The following PRKAR2B variants were observed in gnomAD, a reference collection of about 807,000 sequenced individuals.
PRKAR2B encodes cAMP-dependent protein kinase type II-beta regulatory subunit.
In PRKAR2B, 14 loss-of-function variants were observed where a neutral mutation model predicts 49.9. The observed-to-expected ratio is 0.28, with a 90% confidence interval of 0.19 to 0.44. The LOEUF is 0.44. Ranked by LOEUF, PRKAR2B falls within the 20% of genes least tolerant of loss-of-function variation. PRKAR2B has a pLI of 1.00. For missense variants in PRKAR2B, 393 were observed against 537.9 expected, an observed-to-expected ratio of 0.73 and a Z score of 2.67; for synonymous variants, 196 against 197.7, an observed-to-expected ratio of 0.99 and a Z score of 0.07.
chr7:107,143,682 T>C (rs1395672927), intron 5 of PRKAR2B, among the ~76,000 whole-genome samples: 1 of 152,216 alleles, frequency 6.6e-6, no homozygotes, highest in Non-Finnish European at 1.5e-5. Context: ...CCACAGATTG[T>C]CCACATGGGT....
chr7:107,156,948 A>G (rs1243357802), intron 8 of PRKAR2B, 36 bp from the exon 9 acceptor site: 4 of 1,551,066 alleles, frequency 2.6e-6, no homozygotes, highest in Middle Eastern at 1.7e-4. Context: ...ATTAATTTGC[A>G]TTTTCACCGT....
chr7:107,060,236 A>G (rs752392585), intron 1 of PRKAR2B, among the ~76,000 whole-genome samples: 8 of 152,180 alleles, frequency 5.3e-5, no homozygotes, highest in Admixed American at 1.3e-4. Flanking sequence ...GACTGCTGCT[A>G]TAGGGTATGT....
At chr7:107,072,471 T>C (rs1243701348) in intron 2 of PRKAR2B, among the ~76,000 whole-genome samples, 1 of 152,176 alleles carries the variant, frequency 6.6e-6, no homozygotes, top group East Asian at 1.9e-4. Flanking sequence ...CAAATAAAAT[T>C]ATTTAATACT....
intron 1 of PRKAR2B, among the ~76,000 whole-genome samples, chr7:107,052,667 G>A (rs190353852): frequency 7.4e-4 from 113 of 152,254 alleles, no homozygotes; most frequent in Non-Finnish European, 1.3e-3. Flanking sequence ...TAGCAGTAAC[G>A]TGGTTGAAAA....
intron 2 of PRKAR2B, among the ~76,000 whole-genome samples, chr7:107,101,398 A>G (rs549585518): frequency 5.3e-5 from 8 of 152,252 alleles, no homozygotes; most frequent in African/African-American, 1.9e-4. Flanking sequence ...ACTTTCTGCC[A>G]AGCTAACTCA....
chr7:107,093,235 C>T (rs1353966853), intron 2 of PRKAR2B, among the ~76,000 whole-genome samples: 1 of 151,976 alleles, frequency 6.6e-6, no homozygotes, highest in African/African-American at 2.4e-5. Context: ...AGGTATGTAC[C>T]CAGAAGTGGA....
intron 4 of PRKAR2B, chr7:107,133,626 G>A (rs1015273435): frequency 1.3e-5 from 2 of 152,118 alleles, no homozygotes; most frequent in African/African-American, 4.8e-5. Flanking sequence ...TTCAACCTTG[G>A]CTGCTGTTCC....
At chr7:107,150,189 A>G (rs1189520198) in intron 6 of PRKAR2B, among the ~76,000 whole-genome samples, 3 of 152,184 alleles carry the variant, frequency 2.0e-5, no homozygotes, top group African/African-American at 7.2e-5. Context: ...TTTTAGGAAA[A>G]TAATGTTTTG....
intron 10 of PRKAR2B, among the ~76,000 whole-genome samples, chr7:107,158,792 T>G (rs975044545): frequency 1.3e-5 from 2 of 152,224 alleles, no homozygotes; most frequent in Non-Finnish European, 2.9e-5. Context: ...TTTTTATCTT[T>G]TTATCTTTAG....
At chr7:107,138,532 G>T (rs959307208) in intron 4 of PRKAR2B, among the ~76,000 whole-genome samples, 6 of 150,950 alleles carry the variant, frequency 4.0e-5, no homozygotes, top group Non-Finnish European at 8.8e-5. Flanking sequence ...TCCAATCTTG[G>T]CCTCTCCTGA....
chr7:107,074,684 G>A (rs1794359886), intron 2 of PRKAR2B, among the ~76,000 whole-genome samples: 1 of 152,028 alleles, frequency 6.6e-6, no homozygotes, highest in Non-Finnish European at 1.5e-5. Context: ...CTGTAATCCA[G>A]CTACTTGGGA....
chr7:107,076,102 A>T (rs2116780858), intron 2 of PRKAR2B, among the ~76,000 whole-genome samples: 1 of 152,192 alleles, frequency 6.6e-6, no homozygotes, highest in Admixed American at 6.5e-5. Context: ...GGCTCCCCAG[A>T]TGTTGATATT....
intron 1 of PRKAR2B, among the ~76,000 whole-genome samples, chr7:107,065,650 A>G (rs191647271): frequency 6.6e-6 from 1 of 152,166 alleles, no homozygotes; most frequent in Non-Finnish European, 1.5e-5. Flanking sequence ...CTCTCTTACA[A>G]TTCCAGTGCC....
intron 1 of PRKAR2B, among the ~76,000 whole-genome samples, chr7:107,068,276 G>A (rs1294924780): frequency 6.6e-6 from 1 of 152,122 alleles, no homozygotes; most frequent in African/African-American, 2.4e-5. Flanking sequence ...GCTGGAGGGG[G>A]CAGGGGGGCA....
chr7:107,157,354 G>T (rs1402938335), intron 10 of PRKAR2B, 30 bp downstream of exon 10: 1 of 1,594,344 alleles, frequency 6.3e-7, no homozygotes, highest in Non-Finnish European at 8.6e-7. Context: ...GCGTGCTTCT[G>T]CTGGTTGAAC....
chr7:107,146,216 G>T, intron 5 of PRKAR2B, 92 bp from the exon 6 acceptor site: 1 of 1,314,148 alleles, frequency 7.6e-7, no homozygotes, highest in Non-Finnish European at 1.0e-6. Context: ...CTGGAAATAA[G>T]ATTTTTATTT....
At chr7:107,155,621 G>C (rs1390563981) in intron 8 of PRKAR2B, among the ~76,000 whole-genome samples, 1 of 151,742 alleles carries the variant, frequency 6.6e-6, no homozygotes, top group African/African-American at 2.4e-5. Flanking sequence ...CTAATGATCA[G>C]TAATGATCTT....
chr7:107,075,432 C>G (rs1364881720), intron 2 of PRKAR2B, among the ~76,000 whole-genome samples: 2 of 150,448 alleles, frequency 1.3e-5, no homozygotes, highest in African/African-American at 2.4e-5. Context: ...CAGGATTTCA[C>G]TCTGTCACCC....
At chr7:107,126,608 C>G (rs1214188961) in intron 3 of PRKAR2B, among the ~76,000 whole-genome samples, 1 of 152,068 alleles carries the variant, frequency 6.6e-6, no homozygotes, top group Non-Finnish European at 1.5e-5. Context: ...CCTCTCCCCC[C>G]TTTCCTTTCT....
Sources: allele counts gnomAD v4.1 joint callset (sites outside exome capture counted in the v4.1 genomes callset), GRCh38; gene constraint gnomAD v4.1.1; transcripts MANE v1.5; gene names NCBI Gene and HGNC (gene_info 2026-07-23, HGNC 2026-07-21).